The following RBFOX3 variants were observed in gnomAD, a reference collection of about 807,000 sequenced individuals.
RBFOX3 encodes the protein RNA binding fox-1 homolog 3, also known as RNA binding protein fox-1 homolog 3.
Under a neutral mutation model 48.7 loss-of-function variants are expected in RBFOX3, and 17 were observed. The observed-to-expected ratio is 0.35, with a 90% CI of 0.24 to 0.52. The LOEUF (loss-of-function observed/expected upper bound fraction) is 0.52. Ranked by LOEUF, RBFOX3 falls within the 20% of genes least tolerant of loss-of-function variation. The pLI is 0.94. For missense variants in RBFOX3, 382 were observed against 497.5 expected (o/e 0.77, Z 2.21); for synonymous variants, 212 against 209.5 (o/e 1.01, Z -0.10).
intron 2 of RBFOX3, among the ~76,000 whole-genome samples, chr17:79,398,579 T>A (rs145497251): frequency 6.6e-5 from 10 of 152,014 alleles, no homozygotes; most frequent in Non-Finnish European, 1.3e-4. Flanking sequence ...GCTTCTGGCA[T>A]CTGGTGGGTG....
At chr17:79,597,337 G>A (rs2093594682) in intron 1 of RBFOX3, among the ~76,000 whole-genome samples, 1 of 152,152 alleles carries the variant, frequency 6.6e-6, no homozygotes. Flanking sequence ...GTGTTGGCCG[G>A]GTAAGATGGC....
intron 1 of RBFOX3, among the ~76,000 whole-genome samples, chr17:79,605,555 C>T (rs1028498650): frequency 2.0e-5 from 3 of 152,240 alleles, no homozygotes; most frequent in African/African-American, 4.8e-5. Flanking sequence ...AGTAGGGAGA[C>T]GGCCAGGTAC....
intron 4 of RBFOX3, among the ~76,000 whole-genome samples, chr17:79,191,641 C>T (rs1306628233): frequency 6.6e-6 from 1 of 152,194 alleles, no homozygotes; most frequent in African/African-American, 2.4e-5. Context: ...AGGCGGCCGG[C>T]GGCGGGAGGT....
At chr17:79,464,152 G>A in intron 2 of RBFOX3, among the ~76,000 whole-genome samples, 1 of 152,248 alleles carries the variant, frequency 6.6e-6, no homozygotes, top group East Asian at 1.9e-4. Flanking sequence ...ACGCAGGAGT[G>A]CACCAGCTCC....
intron 2 of RBFOX3, among the ~76,000 whole-genome samples, chr17:79,458,534 A>C (rs1555746632): frequency 1.3e-5 from 2 of 152,026 alleles, no homozygotes; most frequent in African/African-American, 4.8e-5. Context: ...TGCGACCATC[A>C]CCGCAGTTGA....
chr17:79,526,445 T>G (rs1464791916), intron 1 of RBFOX3, among the ~76,000 whole-genome samples: 2 of 152,206 alleles, frequency 1.3e-5, no homozygotes, highest in Non-Finnish European at 2.9e-5. Flanking sequence ...CCTAGGGAAT[T>G]TCTGCAAGGC....
chr17:79,244,573 T>G (rs8072027), intron 3 of RBFOX3, among the ~76,000 whole-genome samples: 13,184 of 140,466 alleles, frequency 0.094, 985 homozygotes, highest in African/African-American at 0.22. Context: ...CTACTCACTC[T>G]GGGCTTGCTG....
At chr17:79,556,030 C>T (rs1280980966) in intron 1 of RBFOX3, among the ~76,000 whole-genome samples, 1 of 152,114 alleles carries the variant, frequency 6.6e-6, no homozygotes, top group African/African-American at 2.4e-5. Flanking sequence ...GCCCACAGAG[C>T]AAAAGAAATG....
At chr17:79,110,503 T>C (rs550501838) in intron 5 of RBFOX3, among the ~76,000 whole-genome samples, 6 of 152,342 alleles carry the variant, frequency 3.9e-5, no homozygotes, top group South Asian at 4.1e-4. Flanking sequence ...CAAGCTGTGC[T>C]GCTGTGGCAC....
chr17:79,276,839 G>T (rs574372387), intron 3 of RBFOX3, among the ~76,000 whole-genome samples: 4 of 152,316 alleles, frequency 2.6e-5, no homozygotes, highest in Admixed American at 1.3e-4. Context: ...TGAGGGAGAA[G>T]AGACCACTGC....
rs570287071 is a variant in RBFOX3 at position 79,342,671 on chromosome 17, C to T, written c.-174-34847G>A. Among the ~76,000 whole-genome samples the T allele has an allele frequency of 2.2e-4, 33 of 152,278 alleles. 1 individual carries two copies. In the South Asian group the frequency reaches 6.8e-3, roughly 32 times the overall value. ...GGAACTGCTGGAGAGGTTGATGGGGCTTTGTGCGGAAAGGCAGAGGGCACA... is the reference window on the plus strand; with the variant it reads ...GGAACTGCTGGAGAGGTTGATGGGGTTTTGTGCGGAAAGGCAGAGGGCACA... On this transcript the variant is annotated intron_variant, in intron 2 of 14. Transcript: ENST00000693108.
intron 4 of RBFOX3, among the ~76,000 whole-genome samples, chr17:79,168,726 C>T (rs1046426086): frequency 3.3e-5 from 5 of 152,226 alleles, no homozygotes; most frequent in Non-Finnish European, 2.9e-5. Context: ...GCGGGTGGCC[C>T]GGCAGACACA....
chr17:79,507,309 AC>A (rs1361228791), intron 1 of RBFOX3, among the ~76,000 whole-genome samples: 1 of 151,946 alleles, frequency 6.6e-6, no homozygotes, highest in Admixed American at 6.6e-5. Flanking sequence ...TGGGGCAGTC[AC>A]CCCCTGAAGA....
chr17:79,292,734 T>C (rs2073579690), intron 3 of RBFOX3, among the ~76,000 whole-genome samples: 1 of 152,184 alleles, frequency 6.6e-6, no homozygotes, highest in African/African-American at 2.4e-5. Context: ...AAGAGATCCT[T>C]TTGCTTTCTT....
chr17:79,225,291 C>CTTTTTTTTT (rs58461275), intron 4 of RBFOX3, among the ~76,000 whole-genome samples: 9 of 128,116 alleles, frequency 7.0e-5, no homozygotes, highest in African/African-American at 1.2e-4. Context: ...TCCCTCCATT[C>CTTTTTTTTT]TTTTTTTTTT....
chr17:79,620,106 T>A, the RBFOX3 span, among the ~76,000 whole-genome samples: 1 of 120,746 alleles, frequency 8.3e-6, no homozygotes, highest in Admixed American at 8.0e-5. Flanking sequence ...CATGTGTGCA[T>A]GCACGCATAT....
intron 1 of RBFOX3, among the ~76,000 whole-genome samples, chr17:79,498,238 G>C (rs369873707): frequency 1.3e-5 from 2 of 152,144 alleles, no homozygotes; most frequent in African/African-American, 2.4e-5. Context: ...GCCTTCATAG[G>C]AACTCGTTTT....
At position 79,479,012 on chromosome 17, in the gene RBFOX3, G is replaced by A. The variant is rs1373189214; in HGVS notation, c.-175+3442C>T. On this transcript the variant is annotated intron_variant, in intron 2 of 14. Coordinates refer to ENST00000693108, the MANE Select transcript of RBFOX3 (RefSeq NM_001350451.2). The surrounding 1 kb of genome is among the most constrained non-coding windows in gnomAD (Gnocchi z 5.1). ...TTTGAAGCAAGGACTCGCCTGCAGT[G>A]ATGGGGAGTCTCGGTCGAAGGGCTC... 2.6e-5 allele frequency among the ~76,000 whole-genome samples: 4 copies of A among 152,202 alleles called. No homozygotes were observed. The highest frequency in any genetic ancestry group is 9.7e-5 in the African/African-American group (4 of 41,444).
At chr17:79,459,070 G>A (rs1555747034) in intron 2 of RBFOX3, among the ~76,000 whole-genome samples, 1 of 152,098 alleles carries the variant, frequency 6.6e-6, no homozygotes. Context: ...ACCCAGACCT[G>A]ACCAGCTCTG....
Sources: allele counts gnomAD v4.1 joint callset (sites outside exome capture counted in the v4.1 genomes callset), GRCh38; gene constraint gnomAD v4.1.1; non-coding constraint Gnocchi (gnomAD v3.1); transcripts MANE v1.5; gene names NCBI Gene and HGNC (gene_info 2026-07-23, HGNC 2026-07-21).